The following DLGAP1 variants were observed in gnomAD, a reference collection of about 807,000 sequenced individuals.
DLGAP1 encodes the protein DLG associated protein 1.
Under a neutral mutation model 90.8 loss-of-function variants are expected in DLGAP1, and 11 were observed. That is an observed-to-expected ratio of 0.12 (90% CI 0.08 to 0.20). The LOEUF is 0.20. Ranked by LOEUF, DLGAP1 falls within the 10% of genes least tolerant of loss-of-function variation. DLGAP1 has a pLI of 1.00. For missense variants in DLGAP1, 1,050 were observed against 1,333.8 expected, an observed-to-expected ratio of 0.79 and a Z score of 3.31; for synonymous variants, 558 against 540.7, an observed-to-expected ratio of 1.03 and a Z score of -0.44.
In DLGAP1 at chr18:4,415,030, T is replaced by A. The variant is rs952440801; in HGVS notation, c.-267+39976A>T. Reference sequence around the variant, plus strand: ...CATTGGGTCAATTGAAATATACATATATATATATACACACACACACACATA... The same window carrying A: ...CATTGGGTCAATTGAAATATACATAAATATATATACACACACACACACATA... On this transcript the variant is annotated intron_variant, in intron 1 of 12. Transcript: ENST00000315677. 4.3e-5 allele frequency among the ~76,000 whole-genome samples: 6 copies of A among 138,256 alleles called. No homozygotes were observed. The South Asian group carries it at 1.2e-3, about 27-fold the overall frequency. The allele number at this position is 138,256 out of a possible 152,430, so 90.7% of individuals were successfully genotyped here.
intron 1 of DLGAP1, among the ~76,000 whole-genome samples, chr18:4,374,308 C>A (rs1376025358): frequency 6.6e-6 from 1 of 151,966 alleles, no homozygotes; most frequent in Non-Finnish European, 1.5e-5. Flanking sequence ...TATACTATCC[C>A]AAGATGGCAT....
intron 10 of DLGAP1, among the ~76,000 whole-genome samples, chr18:3,516,735 G>A (rs1243570813): frequency 6.6e-6 from 1 of 152,100 alleles, no homozygotes; most frequent in South Asian, 2.1e-4. Context: ...AAGGGGAAAC[G>A]CCTTATAAAA....
At chr18:4,041,473 T>C (rs2074973755) in intron 2 of DLGAP1, among the ~76,000 whole-genome samples, 1 of 152,198 alleles carries the variant, frequency 6.6e-6, no homozygotes, top group South Asian at 2.1e-4. Context: ...CTTTAGGTAA[T>C]GTTTCATGTT....
chr18:3,555,254 T>G (rs1462231347), intron 9 of DLGAP1, among the ~76,000 whole-genome samples: 1 of 152,188 alleles, frequency 6.6e-6, no homozygotes, highest in Non-Finnish European at 1.5e-5. Flanking sequence ...CAATGCTTAT[T>G]TACTTTACAG....
intron 3 of DLGAP1, among the ~76,000 whole-genome samples, chr18:3,934,590 G>A (rs1045898347): frequency 6.6e-6 from 1 of 152,158 alleles, no homozygotes; most frequent in African/African-American, 2.4e-5. Flanking sequence ...AGACCTTTTG[G>A]TGACATAAGA....
chr18:4,215,684 G>T (rs1323510374), intron 1 of DLGAP1, among the ~76,000 whole-genome samples: 1 of 152,040 alleles, frequency 6.6e-6, no homozygotes, highest in Admixed American at 6.6e-5. Flanking sequence ...CATTAATTTG[G>T]GGCATCCTTA....
At chr18:4,335,167 C>T (rs1384490309) in intron 1 of DLGAP1, among the ~76,000 whole-genome samples, 2 of 151,854 alleles carry the variant, frequency 1.3e-5, no homozygotes, top group Non-Finnish European at 2.9e-5. Context: ...AACAATTATC[C>T]CAATAGGAGC....
At chr18:3,946,205 C>A (rs1253782481) in intron 3 of DLGAP1, among the ~76,000 whole-genome samples, 1 of 151,936 alleles carries the variant, frequency 6.6e-6, no homozygotes, top group Admixed American at 6.6e-5. Context: ...ACATCAAATC[C>A]TCCTTACTCT....
intron 1 of DLGAP1, among the ~76,000 whole-genome samples, chr18:4,302,519 T>A (rs1258291559): frequency 2.0e-5 from 3 of 152,108 alleles, no homozygotes; most frequent in Admixed American, 6.6e-5. Flanking sequence ...AAATTTTTTT[T>A]ATTTTTTATA....
At chr18:4,317,993 G>A (rs572328447) in intron 1 of DLGAP1, among the ~76,000 whole-genome samples, 3 of 152,048 alleles carry the variant, frequency 2.0e-5, no homozygotes, top group African/African-American at 7.2e-5. Flanking sequence ...GATTACAGGC[G>A]CGTACCATCA....
At chr18:3,823,546 C>T (rs1309104618) in intron 4 of DLGAP1, among the ~76,000 whole-genome samples, 1 of 152,214 alleles carries the variant, frequency 6.6e-6, no homozygotes, top group East Asian at 1.9e-4. Context: ...TTTCTACACT[C>T]TTCTTCACAC....
At chr18:4,245,246 C>T (rs867732288) in intron 1 of DLGAP1, among the ~76,000 whole-genome samples, 2 of 152,040 alleles carry the variant, frequency 1.3e-5, no homozygotes, top group Admixed American at 1.3e-4. Flanking sequence ...CTGTAAAATC[C>T]GAATATTTTC....
intron 7 of DLGAP1, among the ~76,000 whole-genome samples, chr18:3,715,750 A>T (rs2061740863): frequency 6.6e-6 from 1 of 152,122 alleles, no homozygotes; most frequent in Admixed American, 6.5e-5. Flanking sequence ...TGCCCTTGAG[A>T]GCTGAGCTTT....
At chr18:3,777,819 C>G (rs1367275680) in intron 5 of DLGAP1, among the ~76,000 whole-genome samples, 1 of 152,078 alleles carries the variant, frequency 6.6e-6, no homozygotes, top group Admixed American at 6.5e-5. Context: ...TAGGAATTGG[C>G]CCCCTGACCC....
chr18:4,404,865 A>T (rs1235391620), intron 1 of DLGAP1, among the ~76,000 whole-genome samples: 2 of 152,186 alleles, frequency 1.3e-5, no homozygotes, highest in Admixed American at 6.5e-5. Context: ...TTGATTTTAA[A>T]ACAAAAATAA....
intron 2 of DLGAP1, among the ~76,000 whole-genome samples, chr18:4,085,461 A>G (rs1245425535): frequency 1.3e-5 from 2 of 152,214 alleles, no homozygotes; most frequent in Non-Finnish European, 2.9e-5. Context: ...TTCTTACCAC[A>G]GGAGAAACTT....
intron 10 of DLGAP1, among the ~76,000 whole-genome samples, chr18:3,529,590 G>T (rs1239931697): frequency 6.6e-6 from 1 of 152,106 alleles, no homozygotes; most frequent in Non-Finnish European, 1.5e-5. Context: ...TGCGTCAGAG[G>T]GTCTGGTGAT....
intron 1 of DLGAP1, among the ~76,000 whole-genome samples, chr18:4,296,360 A>G (rs2079981715): frequency 6.6e-6 from 1 of 152,188 alleles, no homozygotes; most frequent in Non-Finnish European, 1.5e-5. Context: ...GAAGTGACAA[A>G]GTAGATCCAC....
intron 7 of DLGAP1, among the ~76,000 whole-genome samples, chr18:3,706,302 G>A (rs1370367987): frequency 6.6e-6 from 1 of 152,252 alleles, no homozygotes; most frequent in East Asian, 1.9e-4. Flanking sequence ...CTGGCAAATG[G>A]TGCATTTTTC....
Sources: allele counts gnomAD v4.1 joint callset (sites outside exome capture counted in the v4.1 genomes callset), GRCh38; gene constraint gnomAD v4.1.1; transcripts MANE v1.5; gene names NCBI Gene and HGNC (gene_info 2026-07-23, HGNC 2026-07-21).